The following HTT variants were observed in gnomAD, a reference collection of about 807,000 sequenced individuals.
The protein encoded by HTT is huntington disease protein.
A neutral mutation model predicts 362.3 loss-of-function variants in HTT; 104 were observed. The ratio of observed to expected loss-of-function variants is 0.29; its 90% CI spans 0.24 to 0.34. The LOEUF is 0.34. Ranked by LOEUF, HTT falls within the 10% of genes least tolerant of loss-of-function variation. The pLI is 1.00. For missense variants in HTT, 3,301 were observed against 3,928.6 expected, an observed-to-expected ratio of 0.84 and a Z score of 4.27; for synonymous variants, 1,577 against 1,548.7, an observed-to-expected ratio of 1.02 and a Z score of -0.43.
chr4:3,169,356 C>T (rs979100533), intron 29 of HTT, among the ~76,000 whole-genome samples: 4 of 152,120 alleles, frequency 2.6e-5, no homozygotes, highest in Non-Finnish European at 2.9e-5. Context: ...TCTGCCCTGC[C>T]TCCCTCCTTT....
chr4:3,138,031 T>C (rs536102651), intron 21 of HTT, among the ~76,000 whole-genome samples: 2 of 152,108 alleles, frequency 1.3e-5, no homozygotes, highest in African/African-American at 4.8e-5. Context: ...ATTTTGGTAC[T>C]TACTGTGAAA....
chr4:3,137,247 G>A (rs963396893), intron 21 of HTT, among the ~76,000 whole-genome samples: 2 of 151,996 alleles, frequency 1.3e-5, no homozygotes, highest in African/African-American at 4.8e-5. Flanking sequence ...GCTTTATGGA[G>A]GTTATAATTT....
chr4:3,074,977 T>TCC lies in HTT; in HGVS notation c.152_153insCC (p.Pro52LeufsTer50), dbSNP rs1560535404. The stretch of plus-strand genomic sequence containing the variant: ...CCGCCGCCGCCGCCGCCTCCTCAGC[T>TCC]TCCTCAGCCGCCGCCGCAGGCACAG... On this transcript the variant is annotated frameshift_variant, in exon 1 of 67. Transcript: ENST00000355072. LOFTEE classifies it high-confidence loss of function. The TCC allele has an allele frequency of 3.1e-5, 31 of 1,001,776 alleles. No homozygotes were observed. The African/African-American group carries it at 3.8e-4, about 12-fold the overall frequency. 62.1% of individuals were successfully genotyped at this position (1,001,776 alleles called of 1,614,324 possible).
Position 3,240,381 on chromosome 4 carries a change from T to C in HTT, c.*322T>C. 2.6e-6 allele frequency: 1 copy of C among 387,092 alleles called. No homozygotes were observed. The highest frequency in any genetic ancestry group is 4.8e-6 in the Non-Finnish European group (1 of 208,354). 24.0% of individuals were successfully genotyped at this position (387,092 alleles called of 1,614,324 possible). A position where few individuals can be genotyped will look rare whatever the true frequency, so the allele number is the denominator to read the frequency against. On this transcript the variant is annotated 3_prime_UTR_variant, in exon 67 of 67. Transcript: ENST00000355072. Reference sequence around the variant, plus strand: ...CTGGTTGTTGCCAGGTTGCAGCTGCTCTTGCATCTGGGCCAGAAGTCCTCC... The same window carrying C: ...CTGGTTGTTGCCAGGTTGCAGCTGCCCTTGCATCTGGGCCAGAAGTCCTCC...
chr4:3,130,711 A>T (rs1715769186), intron 14 of HTT, among the ~76,000 whole-genome samples: 1 of 152,208 alleles, frequency 6.6e-6, no homozygotes, highest in East Asian at 1.9e-4. Flanking sequence ...ATGGTTGCGT[A>T]TGGCCTGCAA....
At chr4:3,207,033 G>A in intron 44 of HTT, 50 bp downstream of exon 44, 2 of 1,536,548 alleles carry the variant, frequency 1.3e-6, no homozygotes, top group South Asian at 1.2e-5. Flanking sequence ...AATTTAGCAG[G>A]CCAAGCAAAA....
chr4:3,126,826 A>T (rs1419405190), intron 11 of HTT, among the ~76,000 whole-genome samples: 1 of 152,198 alleles, frequency 6.6e-6, no homozygotes, highest in Non-Finnish European at 1.5e-5. Context: ...TGTGGCTTGG[A>T]AGAAGGCAAG....
At chr4:3,177,473 C>A in intron 34 of HTT, 86 bp downstream of exon 34, 1 of 862,284 alleles carries the variant, frequency 1.2e-6, no homozygotes, top group Non-Finnish European at 1.8e-6. Context: ...GTTTAAACTA[C>A]TGTTAGGCAT....
chr4:3,213,850 G>T (rs1720272779), intron 49 of HTT, 108 bp from the exon 50 acceptor site: 2 of 976,082 alleles, frequency 2.0e-6, no homozygotes, highest in Non-Finnish European at 2.9e-6. Flanking sequence ...AGGGCACCTG[G>T]ACGCGCTGCC....
intron 2 of HTT, among the ~76,000 whole-genome samples, chr4:3,095,076 C>T (rs1480260912): frequency 6.6e-6 from 1 of 152,056 alleles, no homozygotes; most frequent in Non-Finnish European, 1.5e-5. Flanking sequence ...CCTCACATCC[C>T]AGACGATGGG....
At chr4:3,102,336 TGA>T (rs1477145841) in intron 3 of HTT, among the ~76,000 whole-genome samples, 1 of 152,242 alleles carries the variant, frequency 6.6e-6, no homozygotes, top group Non-Finnish European at 1.5e-5. Flanking sequence ...TAGGAGGGGC[TGA>T]GTTTTAGTTT....
intron 1 of HTT, among the ~76,000 whole-genome samples, chr4:3,084,441 C>A (rs1027521352): frequency 4.3e-4 from 65 of 152,202 alleles, no homozygotes; most frequent in African/African-American, 1.5e-3. Context: ...GTAATCCCAG[C>A]ACTTTTGGGA....
chr4:3,125,177 T>A lies in HTT; in HGVS notation c.1322-372T>A, dbSNP rs144217788. On this transcript the variant is annotated intron_variant, in intron 10 of 66. Transcript: ENST00000355072. ...TGTGTCATTGGAGCTATGACATGAA[T>A]ATTTCAAAGGCCAATAGCATTGGAT... is the stretch of plus-strand genomic sequence containing the variant. 1.7e-3 allele frequency among the ~76,000 whole-genome samples: 256 copies of A among 152,298 alleles called. 2 individuals are homozygous for A. Among genetic ancestry groups the A allele is most frequent in the Admixed American group, 3.0e-3 (46 of 15,296 alleles).
At chr4:3,082,721 G>A (rs1560539165) in intron 1 of HTT, among the ~76,000 whole-genome samples, 1 of 152,158 alleles carries the variant, frequency 6.6e-6, no homozygotes, top group Non-Finnish European at 1.5e-5. Flanking sequence ...CATTTGGGAG[G>A]AAGACCTGTG....
At chr4:3,235,447 C>T (rs1257861532) in intron 62 of HTT, 49 bp downstream of exon 62, 6 of 1,508,728 alleles carry the variant, frequency 4.0e-6, no homozygotes, top group African/African-American at 1.4e-5. Flanking sequence ...GTGGGCTTCC[C>T]TTCTCTTTTC....
intron 5 of HTT, among the ~76,000 whole-genome samples, chr4:3,106,984 G>A (rs896490058): frequency 1.3e-5 from 2 of 152,026 alleles, no homozygotes; most frequent in Non-Finnish European, 2.9e-5. Flanking sequence ...TTTTAAAATG[G>A]TATTTTCTTA....
chr4:3,075,003 C>A lies in HTT; in HGVS notation c.178C>A (p.Pro60Thr). 7.0e-7 allele frequency: 1 copy of A among 1,438,704 alleles called. No individual in the cohort carries two copies. The highest frequency in any genetic ancestry group is 3.1e-5 in the East Asian group (1 of 32,532). The allele number at this position is 1,438,704 out of a possible 1,614,324, so 89.1% of individuals were successfully genotyped here. Residue 60 changes from proline to threonine, a missense_variant, in exon 1 of 67, where the codon CCG becomes ACG. Coordinates refer to ENST00000355072, the MANE Select transcript of HTT (RefSeq NM_001388492.1). ...QLPQPPPQAQ[P>T]LLPQPQPPPP... Reference sequence around the variant, plus strand: ...TCCTCAGCCGCCGCCGCAGGCACAGCCGCTGCTGCCTCAGCCGCAGCCGCC... The same window carrying A: ...TCCTCAGCCGCCGCCGCAGGCACAGACGCTGCTGCCTCAGCCGCAGCCGCC...
intron 61 of HTT, among the ~76,000 whole-genome samples, chr4:3,234,558 G>T (rs1176099040): frequency 6.6e-6 from 1 of 152,256 alleles, no homozygotes; most frequent in Admixed American, 6.5e-5. Context: ...CTGTTCTATG[G>T]CTCTTGCTGT....
Position 3,105,728 on chromosome 4 carries a change from G to A in HTT, c.608+292G>A, listed in dbSNP as rs79716642. On this transcript the variant is annotated intron_variant, in intron 5 of 66. Coordinates refer to ENST00000355072, the MANE Select transcript of HTT (RefSeq NM_001388492.1). ...TTATGCTCTGTTGCAGCCCAGCAGC[G>A]ATAACAGTGTCTGCACATAGTACTT... Among the ~76,000 whole-genome samples the A allele has an allele frequency of 2.4e-3, 361 of 152,312 alleles. No individual in the cohort carries two copies. The Middle Eastern group carries it at 0.037, about 16-fold the overall frequency.
Sources: allele counts gnomAD v4.1 joint callset (sites outside exome capture counted in the v4.1 genomes callset), GRCh38; gene constraint gnomAD v4.1.1; transcripts MANE v1.5; gene names NCBI Gene and HGNC (gene_info 2026-07-23, HGNC 2026-07-21).